Variants in FAP observed in about 807,000 individuals in gnomAD.
FAP encodes prolyl endopeptidase FAP.
FAP carries 110 observed loss-of-function variants against 126.5 expected under a neutral mutation model. The observed-to-expected ratio is 0.87, with a 90% CI of 0.74 to 1.02. FAP has a LOEUF of 1.02. Ranked by LOEUF, FAP falls within the 50% of genes least tolerant of loss-of-function variation. The probability of loss-of-function intolerance (pLI) is 0.00; values close to 1 mark genes in which losing one functional copy is unlikely to be tolerated. For synonymous variants in FAP, 334 were observed against 297.3 expected, an observed-to-expected ratio of 1.12 and a Z score of -1.27; for missense variants, 919 against 909.2, an observed-to-expected ratio of 1.01 and a Z score of -0.14.
rs775291168 is a variant in FAP, at chr2:162,226,614, G to T, written c.99C>A (p.Asn33Lys). The T allele has an allele frequency of 1.0e-5, 16 of 1,569,044 alleles. No homozygotes were observed. The Admixed American group carries it at 2.8e-4, about 28-fold the overall frequency. The change falls in exon 3 of 26, where the codon AAC (asparagine) becomes AAA (lysine). Residue 33 changes from asparagine (N) to lysine (K), a missense_variant. Physicochemically the swap from Asn to Lys is moderately conservative, Grantham distance 94. Coordinates refer to ENST00000188790, the MANE Select transcript of FAP (RefSeq NM_004460.5). The part of the protein sequence containing the change: ...CIVLRPSRVH[N>K]SEENTMRALT... The stretch of plus-strand genomic sequence containing the variant: ...GTGCTCTCATTGTATTTTCTTCAGA[G>T]TTATGAACTTTGGGGGAAGAGCAAA...
At chr2:162,206,174 GT>G (rs1283813553) in intron 12 of FAP, among the ~76,000 whole-genome samples, 38 of 152,284 alleles carry the variant, frequency 2.5e-4, no homozygotes, top group Non-Finnish European at 5.1e-4. Flanking sequence ...GGTAAAGAGA[GT>G]GTGAAATATG....
chr2:162,235,934 T>G (rs1480173939), intron 2 of FAP, among the ~76,000 whole-genome samples: 1 of 152,226 alleles, frequency 6.6e-6, no homozygotes, highest in African/African-American at 2.4e-5. Context: ...AAGTGTGATG[T>G]TAACTATGGT....
intron 12 of FAP, among the ~76,000 whole-genome samples, chr2:162,204,825 C>T (rs569254739): frequency 6.6e-6 from 1 of 152,272 alleles, no homozygotes; most frequent in South Asian, 2.1e-4. Context: ...ATCAATAAAT[C>T]AGTCAAATCA....
chr2:162,183,030 C>T (rs1687745628), intron 21 of FAP, among the ~76,000 whole-genome samples: 1 of 152,036 alleles, frequency 6.6e-6, no homozygotes, highest in South Asian at 2.1e-4. Flanking sequence ...CTGAAAGTCC[C>T]TGTGATTTCA....
rs1272555520 is a variant in FAP at position 162,187,636 on chromosome 2, A to T, written c.1814+533T>A. Among the ~76,000 whole-genome samples, 3 of 152,098 alleles carry T rather than the reference A, an allele frequency of 2.0e-5. No homozygotes were observed. In the East Asian group the frequency reaches 5.8e-4, roughly 29 times the overall value. Reference sequence around the variant, plus strand: ...TTTTCCCTAAATGTTTTCATAATATAATTTCTGTTGTGTAAAATGACTATG... The same window carrying T: ...TTTTCCCTAAATGTTTTCATAATATTATTTCTGTTGTGTAAAATGACTATG... On this transcript the variant is annotated intron_variant, in intron 20 of 25. Transcript: ENST00000188790.
At chr2:162,219,957 A>C in intron 6 of FAP, 32 bp from the exon 7 acceptor site, 1 of 1,457,416 alleles carries the variant, frequency 6.9e-7, no homozygotes, top group Non-Finnish European at 9.6e-7. Context: ...AAAACAACAA[A>C]CCTTGCTGTT....
intron 21 of FAP, 36 bp from the exon 22 acceptor site, chr2:162,175,002 A>G (rs1687436077): frequency 1.4e-6 from 2 of 1,454,932 alleles, no homozygotes; most frequent in Admixed American, 3.4e-5. Flanking sequence ...ACTCAGATTT[A>G]CTTTCATAAG....
intron 5 of FAP, 68 bp downstream of exon 5, chr2:162,224,397 CT>C (rs1559789765): frequency 5.3e-6 from 5 of 943,382 alleles, no homozygotes; most frequent in South Asian, 1.5e-5. Flanking sequence ...CTTTCTCTCA[CT>C]TTTTTTAAAC....
chr2:162,184,478 AT>A (rs1687796436), intron 20 of FAP, among the ~76,000 whole-genome samples: 1 of 152,200 alleles, frequency 6.6e-6, no homozygotes. Flanking sequence ...CACAGCAACC[AT>A]TTCGCTCTTG....
intron 2 of FAP, among the ~76,000 whole-genome samples, chr2:162,233,514 G>C (rs755984504): frequency 6.6e-6 from 1 of 152,038 alleles, no homozygotes; most frequent in African/African-American, 2.4e-5. Flanking sequence ...TTAGTCATTT[G>C]TATATCTTCC....
At position 162,226,576 on chromosome 2, in the gene FAP, T is replaced by C; in HGVS notation, c.137A>G (p.Asp46Gly). The C allele has an allele frequency of 1.2e-6, 2 of 1,600,978 alleles. No homozygotes were observed. The highest frequency in any genetic ancestry group is 1.7e-6 in the Non-Finnish European group (2 of 1,172,522). The change falls in exon 3 of 26, where the codon GAT becomes GGT. Residue 46 changes from aspartate (D) to glycine (G), a missense_variant. Asp to Gly is a moderately conservative substitution (Grantham distance 94). Transcript: ENST00000188790. ...ATAAGAAAATGTTCCATTTAAAATATCCTTCAGTGTGAGTGCTCTCATTGT... is the reference window on the plus strand; with the variant it reads ...ATAAGAAAATGTTCCATTTAAAATACCCTTCAGTGTGAGTGCTCTCATTGT... The part of the protein sequence containing the change: ...ENTMRALTLK[D>G]ILNGTFSYKT...
chr2:162,188,515 G>T (rs908088452), intron 19 of FAP, 152 bp from the exon 20 acceptor site: 3 of 724,090 alleles, frequency 4.1e-6, no homozygotes, highest in African/African-American at 3.6e-5. Context: ...GAGGAGTCCA[G>T]GCTTTTCCCA....
intron 22 of FAP, among the ~76,000 whole-genome samples, chr2:162,174,218 A>G (rs113679828): frequency 5.3e-5 from 8 of 152,192 alleles, no homozygotes; most frequent in African/African-American, 1.9e-4. Flanking sequence ...TATTCCCCCT[A>G]CACACGTACA....
At chr2:162,237,272 G>A (rs917362136) in intron 2 of FAP, among the ~76,000 whole-genome samples, 2 of 152,154 alleles carry the variant, frequency 1.3e-5, no homozygotes, top group Non-Finnish European at 2.9e-5. Flanking sequence ...AGGACGTGCA[G>A]GTTTGTTACA....
intron 9 of FAP, among the ~76,000 whole-genome samples, chr2:162,217,102 T>G (rs1689185433): frequency 6.6e-6 from 1 of 152,216 alleles, no homozygotes; most frequent in Non-Finnish European, 1.5e-5. Context: ...TATTACACTG[T>G]CTGCAATTCT....
chr2:162,214,606 A>G (rs1689096752), intron 10 of FAP, among the ~76,000 whole-genome samples: 1 of 150,638 alleles, frequency 6.6e-6, no homozygotes, highest in Non-Finnish European at 1.5e-5. Context: ...TGTTTGGCAC[A>G]TACTAGATGT....
chr2:162,183,866 A>T (rs1687775012), intron 20 of FAP, among the ~76,000 whole-genome samples: 1 of 152,156 alleles, frequency 6.6e-6, no homozygotes. Context: ...TGCTGCTTTA[A>T]ATTATATTAA....
chr2:162,226,236 A>G (rs1019695946), intron 3 of FAP, among the ~76,000 whole-genome samples: 7 of 152,200 alleles, frequency 4.6e-5, no homozygotes, highest in Non-Finnish European at 1.0e-4. Context: ...ATAGGAATAT[A>G]TCTACCATTC....
chr2:162,170,980 T>C lies in FAP; in HGVS notation c.2282A>G (p.Ter761=), dbSNP rs758833078. 2 of 1,612,232 alleles carry C rather than the reference T, an allele frequency of 1.2e-6. No individual in the cohort carries two copies. The part of the protein sequence containing the change: ...FLKQCFSLSD[*] ...TACAGGCTTGCATCTGCATCGTTTT[T>C]AGTCTGACAAAGAGAAACACTGCTT... The change falls in exon 26 of 26, where the codon TAA becomes TGA. Residue 761 remains the stop codon, a stop_retained_variant. Transcript: ENST00000188790.
Sources: allele counts gnomAD v4.1 joint callset (sites outside exome capture counted in the v4.1 genomes callset), GRCh38; gene constraint gnomAD v4.1.1; transcripts MANE v1.5; gene names NCBI Gene and HGNC (gene_info 2026-07-23, HGNC 2026-07-21).